The following PHF21B variants were observed in gnomAD, a reference collection of about 807,000 sequenced individuals.
The protein encoded by PHF21B is PHD finger protein 4.
In PHF21B, 22 loss-of-function variants were observed where a neutral mutation model predicts 62.2. The ratio of observed to expected loss-of-function variants is 0.35; its 90% CI spans 0.25 to 0.51. The LOEUF is 0.51. Among genes scored for constraint, PHF21B ranks in the 20% least tolerant of loss-of-function variants. The probability of loss-of-function intolerance (pLI) is 0.97; values close to 1 mark genes in which losing one functional copy is unlikely to be tolerated. For synonymous variants in PHF21B, 341 were observed against 314.7 expected (o/e 1.08, Z -0.88); for missense variants, 701 against 707.9 (o/e 0.99, Z 0.11).
chr22:44,885,525 T>C lies in PHF21B; in HGVS notation c.1278A>G (p.Lys426=). 1 of 1,591,442 alleles carries C rather than the reference T, an allele frequency of 6.3e-7. No individual in the cohort carries two copies. Among genetic ancestry groups the C allele is most frequent in the Non-Finnish European group, 8.6e-7 (1 of 1,168,834 alleles). The change falls in exon 12 of 13, where the codon AAA becomes AAG. Residue 426 remains lysine, a synonymous_variant. Coordinates refer to ENST00000313237, the MANE Select transcript of PHF21B (RefSeq NM_138415.5). ...VHSYVTHKTV[K]EEEKQKLLQR... is the part of the protein sequence containing the mutation. The stretch of plus-strand genomic sequence containing the variant: ...GCAGCAGCTTCTGCTTCTCCTCTTC[T>C]TTGACTAGAAAAGAGAAGGCCAGGT...
At chr22:45,008,452 G>GC in intron 2 of PHF21B, 93 bp downstream of exon 2, 1 of 1,221,890 alleles carries the variant, frequency 8.2e-7, no homozygotes, top group Non-Finnish European at 1.1e-6. Flanking sequence ...GTCTGAGCGT[G>GC]CGTCGCCCAG....
chr22:44,934,901 C>T (rs2071814016), intron 2 of PHF21B, among the ~76,000 whole-genome samples: 1 of 152,180 alleles, frequency 6.6e-6, no homozygotes, highest in Non-Finnish European at 1.5e-5. Flanking sequence ...ACCAGGCCAT[C>T]CTGGGAAGTG....
At chr22:45,007,880 GACA>G (rs2073354198) in intron 2 of PHF21B, among the ~76,000 whole-genome samples, 1 of 151,728 alleles carries the variant, frequency 6.6e-6, no homozygotes, top group Non-Finnish European at 1.5e-5. Context: ...AGTCACAATG[GACA>G]ACTTTTCCTC....
chr22:45,005,652 G>A (rs1428879238), intron 2 of PHF21B, among the ~76,000 whole-genome samples: 2 of 152,156 alleles, frequency 1.3e-5, no homozygotes, highest in Non-Finnish European at 1.5e-5. Context: ...CGCTGCTGGC[G>A]TACTGCTAAC....
At chr22:44,993,647 C>G (rs542157723) in intron 2 of PHF21B, among the ~76,000 whole-genome samples, 2 of 152,346 alleles carry the variant, frequency 1.3e-5, no homozygotes, top group Admixed American at 6.5e-5. Context: ...AGCCACTTCA[C>G]AGATGAGAAA....
intron 2 of PHF21B, among the ~76,000 whole-genome samples, chr22:44,946,434 G>A (rs562291083): frequency 1.3e-4 from 20 of 152,176 alleles, no homozygotes; most frequent in African/African-American, 2.9e-4. Flanking sequence ...GAGTGCTGGC[G>A]TCCTGGGCGC....
chr22:45,006,644 G>A (rs2147546914), intron 2 of PHF21B, among the ~76,000 whole-genome samples: 2 of 152,302 alleles, frequency 1.3e-5, no homozygotes, highest in Middle Eastern at 6.8e-3. Flanking sequence ...CCCAAGCTCA[G>A]AAGAGTCATT....
chr22:44,912,535 CTCTT>C (rs1381904887), intron 5 of PHF21B, among the ~76,000 whole-genome samples: 2 of 152,194 alleles, frequency 1.3e-5, no homozygotes, highest in African/African-American at 2.4e-5. Context: ...CACAAGCTCT[CTCTT>C]TGCCTGCCGC....
At position 44,916,502 on chromosome 22, in the gene PHF21B, G is replaced by A; in HGVS notation, c.342C>T (p.Pro114=). ...CATGGCTGACAGTGTTGTTGGCGGT[G>A]GGGAGGGCTGGGCTGGGGTTCTTGA... ...VSVKNPSPAL[P]TANNTVSHVP... Residue 114 remains proline (P), a synonymous_variant, in exon 4 of 13, where the codon CCC becomes CCT. Transcript: ENST00000313237. The A allele has an allele frequency of 6.2e-7, 1 of 1,608,686 alleles. No individual in the cohort carries two copies. The highest frequency in any genetic ancestry group is 2.2e-5 in the East Asian group (1 of 44,860).
At chr22:44,972,756 T>C (rs1022206790) in intron 2 of PHF21B, among the ~76,000 whole-genome samples, 1 of 152,152 alleles carries the variant, frequency 6.6e-6, no homozygotes, top group African/African-American at 2.4e-5. Context: ...CTAGGACAAA[T>C]AGGATTCTGC....
chr22:44,892,692 G>C lies in PHF21B; in HGVS notation c.960+765C>G, dbSNP rs187906843. Among the ~76,000 whole-genome samples, 1,033 of 152,308 alleles carry C rather than the reference G, an allele frequency of 6.8e-3. 37 individuals are homozygous for C. Among genetic ancestry groups the C allele is most frequent in the Admixed American group, 0.055 (835 of 15,302 alleles). ...TCCCAGAGAAAGACTCTAAGACACT[G>C]CCCCTAAGAAAGCCCTGAGCCTCTG... is the stretch of plus-strand genomic sequence containing the variant. On this transcript the variant is annotated intron_variant, in intron 7 of 12. Transcript: ENST00000313237.
At chr22:44,955,361 G>A (rs2072275066) in intron 2 of PHF21B, among the ~76,000 whole-genome samples, 2 of 152,200 alleles carry the variant, frequency 1.3e-5, no homozygotes, top group African/African-American at 2.4e-5. Context: ...ATGCACTCAC[G>A]GTCCTGTGAC....
At chr22:45,005,711 T>C (rs1304460371) in intron 2 of PHF21B, among the ~76,000 whole-genome samples, 1 of 152,222 alleles carries the variant, frequency 6.6e-6, no homozygotes, top group Non-Finnish European at 1.5e-5. Context: ...TAGTTCATCA[T>C]CCACATGTGC....
At chr22:44,926,689 C>G (rs1218771598) in intron 2 of PHF21B, among the ~76,000 whole-genome samples, 1 of 152,128 alleles carries the variant, frequency 6.6e-6, no homozygotes, top group Non-Finnish European at 1.5e-5. Flanking sequence ...GCTGGGATGG[C>G]GATGTGTCCA....
At chr22:44,887,909 C>T (rs753765792) in intron 10 of PHF21B, 54 bp downstream of exon 10, 71 of 1,378,486 alleles carry the variant, frequency 5.2e-5, no homozygotes, top group Middle Eastern at 2.5e-4. Flanking sequence ...TCTCTGCCTA[C>T]GGTGGGGACC....
intron 2 of PHF21B, among the ~76,000 whole-genome samples, chr22:44,955,950 G>A (rs911707281): frequency 1.3e-5 from 2 of 152,198 alleles, no homozygotes; most frequent in Admixed American, 6.5e-5. Context: ...CTGAGGGCAC[G>A]CACTTCCCTG....
At chr22:44,935,331 A>G (rs555203626) in intron 2 of PHF21B, among the ~76,000 whole-genome samples, 1 of 152,220 alleles carries the variant, frequency 6.6e-6, no homozygotes, top group East Asian at 1.9e-4. Flanking sequence ...ACAGAAGCAC[A>G]TGGCCGGGCG....
intron 2 of PHF21B, among the ~76,000 whole-genome samples, chr22:44,961,325 T>TC (rs2072416174): frequency 6.6e-6 from 1 of 152,068 alleles, no homozygotes; most frequent in African/African-American, 2.4e-5. Flanking sequence ...TAGGTATACT[T>TC]CGTGATGCTC....
intron 2 of PHF21B, among the ~76,000 whole-genome samples, chr22:44,953,517 T>C (rs2072234693): frequency 1.3e-5 from 2 of 152,174 alleles, no homozygotes; most frequent in East Asian, 1.9e-4. Context: ...ACACCATCTC[T>C]GCTTGCAGCC....
Sources: allele counts gnomAD v4.1 joint callset (sites outside exome capture counted in the v4.1 genomes callset), GRCh38; gene constraint gnomAD v4.1.1; transcripts MANE v1.5; gene names NCBI Gene and HGNC (gene_info 2026-07-23, HGNC 2026-07-21).